FOXN3: variants seen among roughly 807,000 people sequenced by gnomAD.
FOXN3 encodes forkhead box protein N3.
A neutral mutation model predicts 38.4 loss-of-function variants in FOXN3; 7 were observed. The ratio of observed to expected loss-of-function variants is 0.18; its 90% CI spans 0.10 to 0.34. The LOEUF (loss-of-function observed/expected upper bound fraction) is 0.34, where lower values mean the gene tolerates loss of function less well. FOXN3 is among the 10% of genes least tolerant of loss of function. The probability of loss-of-function intolerance (pLI) is 1.00; values close to 1 mark genes in which losing one functional copy is unlikely to be tolerated. For synonymous variants in FOXN3, 230 were observed against 242.2 expected, an observed-to-expected ratio of 0.95 and a Z score of 0.47; for missense variants, 456 against 613.4, an observed-to-expected ratio of 0.74 and a Z score of 2.71.
intron 1 of FOXN3, among the ~76,000 whole-genome samples, chr14:89,511,077 T>C (rs1455327528): frequency 6.6e-6 from 1 of 152,140 alleles, no homozygotes; most frequent in Non-Finnish European, 1.5e-5. Flanking sequence ...CCAACTCATA[T>C]TCCAATCATC....
At chr14:89,279,106 T>C (rs1307910854) in intron 4 of FOXN3, among the ~76,000 whole-genome samples, 4 of 151,124 alleles carry the variant, frequency 2.6e-5, no homozygotes, top group Non-Finnish European at 4.4e-5. Context: ...GAAAAAAAAA[T>C]GAATGTTAAC....
At chr14:89,566,672 G>T (rs1895358089) in intron 1 of FOXN3, among the ~76,000 whole-genome samples, 1 of 152,170 alleles carries the variant, frequency 6.6e-6, no homozygotes, top group African/African-American at 2.4e-5. Flanking sequence ...GATTATTCTA[G>T]ACTCATTCAC....
chr14:89,491,933 A>G (rs1893584989), intron 1 of FOXN3, among the ~76,000 whole-genome samples: 1 of 152,154 alleles, frequency 6.6e-6, no homozygotes, highest in African/African-American at 2.4e-5. Flanking sequence ...GTGTTTTTCT[A>G]TTCTTACAAA....
intron 2 of FOXN3, among the ~76,000 whole-genome samples, chr14:89,389,459 G>A (rs1380790695): frequency 6.6e-6 from 1 of 152,174 alleles, no homozygotes; most frequent in Non-Finnish European, 1.5e-5. Flanking sequence ...CAAGACCAAA[G>A]ATTCACGCCA....
chr14:89,438,087 T>C (rs924770710), intron 1 of FOXN3, among the ~76,000 whole-genome samples: 1 of 152,204 alleles, frequency 6.6e-6, no homozygotes, highest in Admixed American at 6.5e-5. Flanking sequence ...TAAGAACACA[T>C]TCTTTAGTAA....
intron 1 of FOXN3, among the ~76,000 whole-genome samples, chr14:89,581,593 T>C (rs12434781): frequency 0.13 from 20,490 of 152,204 alleles, 3,625 homozygotes; most frequent in African/African-American, 0.41. Context: ...ACCTGCTCTT[T>C]TCCCTCAAAA....
chr14:89,416,094 T>TG (rs975514635), intron 1 of FOXN3, among the ~76,000 whole-genome samples: 1 of 152,170 alleles, frequency 6.6e-6, no homozygotes, highest in East Asian at 1.9e-4. Flanking sequence ...GTAGCGAGTT[T>TG]GGGGGGCCGG....
chr14:89,533,097 G>A (rs1894606164), intron 1 of FOXN3, among the ~76,000 whole-genome samples: 1 of 152,200 alleles, frequency 6.6e-6, no homozygotes, highest in Non-Finnish European at 1.5e-5. Context: ...AAAAAGGGCA[G>A]TTGAGAATGT....
chr14:89,193,533 C>T (rs1380555503), intron 4 of FOXN3, among the ~76,000 whole-genome samples: 1 of 151,762 alleles, frequency 6.6e-6, no homozygotes, highest in Non-Finnish European at 1.5e-5. Flanking sequence ...GACCCCCCAC[C>T]CCCCCACCTT....
chr14:89,477,901 C>T (rs1162453737), intron 1 of FOXN3, among the ~76,000 whole-genome samples: 1 of 152,024 alleles, frequency 6.6e-6, no homozygotes, highest in Non-Finnish European at 1.5e-5. Flanking sequence ...TCCTTTATCC[C>T]TTGAGAGGAG....
chr14:89,540,462 C>T (rs1025212645), intron 1 of FOXN3, among the ~76,000 whole-genome samples: 2 of 152,096 alleles, frequency 1.3e-5, no homozygotes, highest in African/African-American at 4.8e-5. Context: ...AGGCTGGGCA[C>T]GGTGACTCAC....
intron 1 of FOXN3, among the ~76,000 whole-genome samples, chr14:89,448,741 C>A (rs1446545620): frequency 5.3e-5 from 8 of 151,830 alleles, no homozygotes; most frequent in Non-Finnish European, 1.2e-4. Flanking sequence ...GAGTTCAAGA[C>A]CAGCCTGGGC....
intron 1 of FOXN3, among the ~76,000 whole-genome samples, chr14:89,500,019 T>G (rs1052640491): frequency 6.6e-6 from 1 of 152,050 alleles, no homozygotes; most frequent in Non-Finnish European, 1.5e-5. Context: ...CCAGCTTATT[T>G]TTTTTGTATT....
At chr14:89,234,647 CT>C (rs1237205254) in intron 4 of FOXN3, among the ~76,000 whole-genome samples, 2 of 151,740 alleles carry the variant, frequency 1.3e-5, no homozygotes, top group Non-Finnish European at 2.9e-5. Flanking sequence ...CTCTGCCCCC[CT>C]CCCTCCCCCA....
rs1173101791 is a variant in FOXN3 at position 89,548,837 on chromosome 14, T to C, written c.-15+70191A>G. On this transcript the variant is annotated intron_variant, in intron 1 of 6. Coordinates refer to the FOXN3 transcript ENST00000345097. The surrounding 1 kb of genome is among the most constrained non-coding windows in gnomAD (Gnocchi z 4.8). The stretch of plus-strand genomic sequence containing the variant: ...ACAAGGTATTCAGTTTTTTATAATG[T>C]GCCGGGCGCGGTGGCTCACGCCTGT... Among the ~76,000 whole-genome samples, 1 of 152,122 alleles carries C rather than the reference T, an allele frequency of 6.6e-6. No individual in the cohort carries two copies. The highest frequency in any genetic ancestry group is 1.5e-5 in the Non-Finnish European group (1 of 68,010).
intron 4 of FOXN3, among the ~76,000 whole-genome samples, chr14:89,198,725 G>C (rs1888160044): frequency 6.6e-6 from 1 of 152,212 alleles, no homozygotes; most frequent in Admixed American, 6.5e-5. Flanking sequence ...ACATTCTACA[G>C]CGTAAAGGAC....
At chr14:89,350,117 C>T (rs1360504755) in intron 3 of FOXN3, among the ~76,000 whole-genome samples, 2 of 152,094 alleles carry the variant, frequency 1.3e-5, no homozygotes, top group African/African-American at 4.8e-5. Context: ...TACCCATGAC[C>T]TTACTGTCTC....
At chr14:89,468,249 T>C (rs1191700988) in intron 1 of FOXN3, among the ~76,000 whole-genome samples, 1 of 150,970 alleles carries the variant, frequency 6.6e-6, no homozygotes, top group Non-Finnish European at 1.5e-5. Context: ...ACGTCAAGAG[T>C]TCAAGACCAG....
intron 4 of FOXN3, among the ~76,000 whole-genome samples, chr14:89,253,136 C>T (rs775869317): frequency 4.6e-5 from 7 of 152,196 alleles, no homozygotes; most frequent in Admixed American, 6.5e-5. Context: ...CTCCCTCCTG[C>T]CCCAGGTTGT....
Sources: allele counts gnomAD v4.1 joint callset (sites outside exome capture counted in the v4.1 genomes callset), GRCh38; gene constraint gnomAD v4.1.1; non-coding constraint Gnocchi (gnomAD v3.1); transcripts MANE v1.5; gene names NCBI Gene and HGNC (gene_info 2026-07-23, HGNC 2026-07-21).